The following MACROD2 variants were observed in gnomAD, a reference collection of about 807,000 sequenced individuals.
The protein encoded by MACROD2 is ADP-ribose glycohydrolase MACROD2.
Under a neutral mutation model 70.4 loss-of-function variants are expected in MACROD2, and 36 were observed. The observed-to-expected ratio is 0.51, with a 90% CI of 0.39 to 0.68. The LOEUF is 0.68. Among genes scored for constraint, MACROD2 ranks in the 30% least tolerant of loss-of-function variants. MACROD2 has a pLI of 0.00. For synonymous variants in MACROD2, 172 were observed against 178.8 expected, an observed-to-expected ratio of 0.96 and a Z score of 0.30; for missense variants, 496 against 538.4, an observed-to-expected ratio of 0.92 and a Z score of 0.78.
At position 14,930,766 on chromosome 20, in the gene MACROD2, T is replaced by TAAAAAAAAAA. The variant is rs11474347; in HGVS notation, c.418+245822_418+245831dup. Among the ~76,000 whole-genome samples the TAAAAAAAAAA allele has an allele frequency of 5.9e-4, 42 of 71,644 alleles. 2 individuals are homozygous for TAAAAAAAAAA. Among genetic ancestry groups the TAAAAAAAAAA allele is most frequent in the African/African-American group, 2.2e-3 (42 of 18,920 alleles). The allele number at this position is 71,644 out of a possible 152,430, so 47.0% of individuals were successfully genotyped here. A position where few individuals can be genotyped will look rare whatever the true frequency, so the allele number is the denominator to read the frequency against. On this transcript the variant is annotated intron_variant, in intron 5 of 17. Coordinates refer to ENST00000684519, the MANE Select transcript of MACROD2 (RefSeq NM_001351661.2). ...TGGGAAACATAGGGAGAGCGTGTCT[T>TAAAAAAAAAA]AAAAAAAAAAAAAAAAAAAAAAAAG...
intron 4 of MACROD2, among the ~76,000 whole-genome samples, chr20:14,562,219 G>A (rs574942839): frequency 8.6e-4 from 131 of 151,826 alleles, no homozygotes; most frequent in Non-Finnish European, 1.5e-3. Context: ...TCATGATCTC[G>A]TCTACATGGA....
chr20:15,396,122 C>T (rs1478067401), intron 6 of MACROD2, among the ~76,000 whole-genome samples: 3 of 152,224 alleles, frequency 2.0e-5, no homozygotes. Context: ...GTAAAATTCC[C>T]GGCAGAGGAC....
chr20:15,381,024 C>T (rs979856096), intron 6 of MACROD2, among the ~76,000 whole-genome samples: 2 of 152,004 alleles, frequency 1.3e-5, no homozygotes, highest in Non-Finnish European at 2.9e-5. Flanking sequence ...TTTATCAGTT[C>T]CAACTATAGA....
chr20:15,223,304 A>C (rs144706633), intron 5 of MACROD2, among the ~76,000 whole-genome samples: 1 of 152,338 alleles, frequency 6.6e-6, no homozygotes, highest in Non-Finnish European at 1.5e-5. Context: ...AGAGGGCTTC[A>C]GTGCACAAAG....
chr20:14,112,934 G>A (rs766538297), intron 3 of MACROD2, among the ~76,000 whole-genome samples: 2 of 151,850 alleles, frequency 1.3e-5, no homozygotes, highest in Non-Finnish European at 2.9e-5. Context: ...TTAACTTTGC[G>A]TTGGGTGAAT....
intron 4 of MACROD2, among the ~76,000 whole-genome samples, chr20:14,503,479 G>A (rs1399640652): frequency 6.6e-6 from 1 of 152,164 alleles, no homozygotes. Context: ...TGAGAGTGGG[G>A]CTGAATGGAG....
rs908669954 is a variant in MACROD2 at position 15,295,795 on chromosome 20, G to A, written c.540+65734G>A. On this transcript the variant is annotated intron_variant, in intron 6 of 17. Transcript: ENST00000684519. The stretch of plus-strand genomic sequence containing the variant: ...GACCAGGGGAAAGTATAAAGAAAGA[G>A]CAGATAAGCTACAAGCCTGCCTTTC... Among the ~76,000 whole-genome samples, 14 of 152,274 alleles carry A rather than the reference G, an allele frequency of 9.2e-5. 1 individual carries two copies. Among genetic ancestry groups the A allele is most frequent in the Middle Eastern group, 3.4e-3 (1 of 294 alleles).
At chr20:15,962,330 C>A (rs1027233437) in intron 12 of MACROD2, among the ~76,000 whole-genome samples, 2 of 152,146 alleles carry the variant, frequency 1.3e-5, no homozygotes, top group Non-Finnish European at 2.9e-5. Flanking sequence ...GAGAGATTAT[C>A]CAGCTCAACA....
chr20:15,973,378 A>G (rs1266716272), intron 13 of MACROD2, among the ~76,000 whole-genome samples: 2 of 152,198 alleles, frequency 1.3e-5, no homozygotes, highest in Non-Finnish European at 2.9e-5. Context: ...TGACTCCATA[A>G]ATACCACTCA....
chr20:14,985,270 A>C (rs2074838520), intron 5 of MACROD2, among the ~76,000 whole-genome samples: 1 of 152,172 alleles, frequency 6.6e-6, no homozygotes, highest in Non-Finnish European at 1.5e-5. Flanking sequence ...CAGGATGCCA[A>C]AGCAAACACT....
chr20:15,515,606 G>T (rs1233771), intron 8 of MACROD2, among the ~76,000 whole-genome samples: 128,642 of 152,264 alleles, frequency 0.84, 54,701 homozygotes, highest in East Asian at 0.99. Context: ...TTTGTTTTGT[G>T]TTTTAATCCA....
chr20:15,502,893 C>A (rs1568853057), intron 8 of MACROD2, among the ~76,000 whole-genome samples: 1 of 152,184 alleles, frequency 6.6e-6, no homozygotes, highest in East Asian at 1.9e-4. Flanking sequence ...AGATACTTTA[C>A]CATGTGAAAT....
intron 5 of MACROD2, among the ~76,000 whole-genome samples, chr20:15,120,770 T>C (rs2076024407): frequency 6.6e-6 from 1 of 152,216 alleles, no homozygotes; most frequent in Non-Finnish European, 1.5e-5. Context: ...ATTCATTTAT[T>C]AACTCTTTTA....
At chr20:15,589,731 T>C (rs935651459) in intron 8 of MACROD2, among the ~76,000 whole-genome samples, 1 of 152,232 alleles carries the variant, frequency 6.6e-6, no homozygotes, top group East Asian at 1.9e-4. Context: ...GCCATCTCCA[T>C]AGTTTTGCCT....
intron 5 of MACROD2, among the ~76,000 whole-genome samples, chr20:15,105,174 A>T (rs986835131): frequency 2.6e-5 from 4 of 152,180 alleles, no homozygotes; most frequent in African/African-American, 9.6e-5. Flanking sequence ...GTGCAGCTGG[A>T]TGCAGGGACT....
At chr20:15,870,311 G>A (rs1263867524) in intron 9 of MACROD2, among the ~76,000 whole-genome samples, 2 of 151,510 alleles carry the variant, frequency 1.3e-5, no homozygotes, top group Non-Finnish European at 2.9e-5. Flanking sequence ...TAAGTTTCTG[G>A]AGAACAGAAA....
chr20:14,849,505 GCA>G (rs2073176340), intron 5 of MACROD2, among the ~76,000 whole-genome samples: 1 of 152,100 alleles, frequency 6.6e-6, no homozygotes, highest in Non-Finnish European at 1.5e-5. Flanking sequence ...TCTCAGCCAG[GCA>G]CAGTGGCTCA....
chr20:15,242,130 G>C (rs1490272349), intron 6 of MACROD2, among the ~76,000 whole-genome samples: 1 of 152,138 alleles, frequency 6.6e-6, no homozygotes, highest in African/African-American at 2.4e-5. Flanking sequence ...GATCAAGAAA[G>C]ACACTACATC....
chr20:14,573,754 C>G (rs997971889), intron 4 of MACROD2, among the ~76,000 whole-genome samples: 1 of 152,092 alleles, frequency 6.6e-6, no homozygotes. Flanking sequence ...AACAACTGTA[C>G]TTACTGAAAA....
Sources: gnomAD v4.1 joint callset for allele counts (sites outside exome capture counted in the v4.1 genomes callset) on GRCh38, gnomAD v4.1.1 for gene constraint, MANE v1.5 for transcripts, NCBI Gene and HGNC (gene_info 2026-07-23, HGNC 2026-07-21) for gene names.